Variants in SEMA3C observed in about 807,000 individuals in gnomAD.
SEMA3C encodes the protein semaphorin-3C.
Under a neutral mutation model 89.4 loss-of-function variants are expected in SEMA3C, and 47 were observed. The observed-to-expected ratio is 0.53, with a 90% CI of 0.42 to 0.67. SEMA3C has a LOEUF of 0.67. Ranked by LOEUF, SEMA3C falls within the 30% of genes least tolerant of loss-of-function variation. The probability of loss-of-function intolerance (pLI) is 0.00; values close to 1 mark genes in which losing one functional copy is unlikely to be tolerated. For missense variants in SEMA3C, 839 were observed against 929.1 expected, an observed-to-expected ratio of 0.90 and a Z score of 1.26; for synonymous variants, 310 against 320.2, an observed-to-expected ratio of 0.97 and a Z score of 0.34.
intron 2 of SEMA3C, among the ~76,000 whole-genome samples, chr7:80,840,146 C>T (rs1251119225): frequency 6.6e-6 from 1 of 152,012 alleles, no homozygotes; most frequent in East Asian, 1.9e-4. Context: ...TGACATACTG[C>T]TTGTGTTTAT....
intron 16 of SEMA3C, 100 bp from the exon 17 acceptor site, chr7:80,749,128 C>A (rs1787867707): frequency 8.1e-6 from 10 of 1,238,768 alleles, no homozygotes; most frequent in Non-Finnish European, 1.1e-5. Context: ...TATTTTTATA[C>A]AAAATTGTGA....
chr7:80,824,943 A>T (rs1202695146), intron 4 of SEMA3C, among the ~76,000 whole-genome samples: 1 of 152,158 alleles, frequency 6.6e-6, no homozygotes, highest in African/African-American at 2.4e-5. Context: ...CATATCTAGC[A>T]CATTGTAAAG....
chr7:80,795,332 G>A (rs991178356), intron 11 of SEMA3C, among the ~76,000 whole-genome samples: 2 of 152,102 alleles, frequency 1.3e-5, no homozygotes, highest in Admixed American at 1.3e-4. Context: ...AGTTCCAAAG[G>A]TCACTCCTAC....
chr7:80,860,477 C>T (rs1476808348), intron 2 of SEMA3C, among the ~76,000 whole-genome samples: 1 of 152,122 alleles, frequency 6.6e-6, no homozygotes, highest in African/African-American at 2.4e-5. Context: ...TAAAACACAG[C>T]GGCAATGTGG....
At chr7:80,793,003 C>T (rs1186503873) in intron 11 of SEMA3C, among the ~76,000 whole-genome samples, 2 of 152,168 alleles carry the variant, frequency 1.3e-5, no homozygotes, top group Non-Finnish European at 2.9e-5. Context: ...CATCTATGTG[C>T]TAACGTAAAA....
chr7:80,800,060 G>A (rs1460162001), intron 10 of SEMA3C, among the ~76,000 whole-genome samples: 1 of 150,548 alleles, frequency 6.6e-6, no homozygotes, highest in East Asian at 2.0e-4. Context: ...GGCTGAGGCA[G>A]GAGAACGGCA....
chr7:80,820,011 A>T (rs1789705896), intron 4 of SEMA3C, among the ~76,000 whole-genome samples: 2 of 151,996 alleles, frequency 1.3e-5, no homozygotes, highest in Non-Finnish European at 1.5e-5. Flanking sequence ...GGTGGTCAGA[A>T]AATATATGTT....
At chr7:80,870,353 T>G (rs1353861890) in intron 2 of SEMA3C, among the ~76,000 whole-genome samples, 1 of 152,240 alleles carries the variant, frequency 6.6e-6, no homozygotes, top group Non-Finnish European at 1.5e-5. Flanking sequence ...TCATTTATAT[T>G]CAGCACATCC....
intron 9 of SEMA3C, among the ~76,000 whole-genome samples, chr7:80,802,321 A>C (rs929524249): frequency 6.6e-6 from 1 of 152,152 alleles, no homozygotes; most frequent in African/African-American, 2.4e-5. Context: ...ACAAAATCAG[A>C]ATATTAGATA....
intron 2 of SEMA3C, among the ~76,000 whole-genome samples, chr7:80,881,309 A>G (rs1379777328): frequency 6.6e-6 from 1 of 152,126 alleles, no homozygotes; most frequent in African/African-American, 2.4e-5. Flanking sequence ...TTCTACTTAT[A>G]GTCTCTTAGC....
chr7:80,850,485 T>C (rs1022829828), intron 2 of SEMA3C, among the ~76,000 whole-genome samples: 20 of 152,206 alleles, frequency 1.3e-4, no homozygotes, highest in Non-Finnish European at 2.9e-5. Flanking sequence ...CTCAAGACAT[T>C]AAGCAAAATA....
At position 80,828,713 on chromosome 7, in the gene SEMA3C, T is replaced by C. The variant is rs1789938735; in HGVS notation, c.136A>G (p.Ser46Gly). The change falls in exon 3 of 18, where the codon AGC becomes GGC. Residue 46 changes from serine (S) to glycine (G), a missense_variant. Physicochemically the swap from Ser to Gly is moderately conservative, Grantham distance 56. Coordinates refer to ENST00000265361, the MANE Select transcript of SEMA3C (RefSeq NM_006379.5). ...LRETKTSEYF[S>G]LSHHPLDYRI... is the part of the protein sequence containing the mutation. ...TAGTCTAAAGGATGGTGGGAAAGGCTGAAGTATTCAGAGGTCTTGGTTTCT... is the reference window on the plus strand; with the variant it reads ...TAGTCTAAAGGATGGTGGGAAAGGCCGAAGTATTCAGAGGTCTTGGTTTCT... The C allele has an allele frequency of 6.2e-7, 1 of 1,610,880 alleles. No individual in the cohort carries two copies. Among genetic ancestry groups the C allele is most frequent in the Non-Finnish European group, 8.5e-7 (1 of 1,178,002 alleles).
chr7:80,783,834 C>T lies in SEMA3C; in HGVS notation c.1354+5472G>A, dbSNP rs60037757. Among the ~76,000 whole-genome samples the T allele has an allele frequency of 9.7e-3, 1,484 of 152,280 alleles. 24 individuals are homozygous for T. The highest frequency in any genetic ancestry group is 0.034 in the African/African-American group (1,406 of 41,570). On this transcript the variant is annotated intron_variant, in intron 12 of 17. Coordinates refer to ENST00000265361, the MANE Select transcript of SEMA3C (RefSeq NM_006379.5). ...CACACTTTCAGAGGACTTCCTGGAA[C>T]CAATGTTCCAACTTAGTACTCCTCC...
intron 6 of SEMA3C, among the ~76,000 whole-genome samples, chr7:80,806,237 C>T (rs1469863366): frequency 6.6e-6 from 1 of 152,014 alleles, no homozygotes; most frequent in African/African-American, 2.4e-5. Flanking sequence ...GAGTCTCAAC[C>T]TTCTAATCTA....
intron 2 of SEMA3C, among the ~76,000 whole-genome samples, chr7:80,904,162 T>C (rs1410234100): frequency 6.6e-6 from 1 of 152,130 alleles, no homozygotes; most frequent in East Asian, 1.9e-4. Context: ...TGCCTCAGCC[T>C]CTCCAGTAGC....
At chr7:80,825,045 A>G (rs1386700919) in intron 4 of SEMA3C, among the ~76,000 whole-genome samples, 2 of 152,192 alleles carry the variant, frequency 1.3e-5, no homozygotes, top group African/African-American at 4.8e-5. Context: ...TTTTAAAAAT[A>G]TTAGGTTATT....
At chr7:80,921,473 C>G (rs564660396), upstream of SEMA3C, among the ~76,000 whole-genome samples, 3 of 152,202 alleles carry the variant, frequency 2.0e-5, no homozygotes, top group Non-Finnish European at 4.4e-5. Context: ...TTTCCCCACA[C>G]TGCTTAAAAC....
chr7:80,912,703 A>G (rs1346985396), intron 2 of SEMA3C, among the ~76,000 whole-genome samples: 1 of 152,236 alleles, frequency 6.6e-6, no homozygotes. Flanking sequence ...ACACCTGAGA[A>G]CTAAATACTT....
chr7:80,761,651 C>T lies in SEMA3C; in HGVS notation c.1450G>A (p.Ala484Thr). ...GAAATTTTCATTGTTGTTATAGGAG[C>T]ATGATTCTAAAATATTAGAAAACAA... Reference protein sequence around the residue: ...LEELEVFKNHAPITTMKISSK... With the variant: ...LEELEVFKNHTPITTMKISSK... The change falls in exon 14 of 18, where the codon GCT (alanine) becomes ACT (threonine). Residue 484 changes from alanine (A) to threonine (T), a missense_variant. Transcript: ENST00000265361. The T allele has an allele frequency of 1.5e-6, 2 of 1,333,324 alleles. No individual in the cohort carries two copies. The highest frequency in any genetic ancestry group is 5.1e-5 in the East Asian group (2 of 39,394). The allele number at this position is 1,333,324 out of a possible 1,614,324, so 82.6% of individuals were successfully genotyped here.
Sources: gnomAD v4.1 joint callset for allele counts (sites outside exome capture counted in the v4.1 genomes callset) on GRCh38, gnomAD v4.1.1 for gene constraint, MANE v1.5 for transcripts, NCBI Gene and HGNC (gene_info 2026-07-23, HGNC 2026-07-21) for gene names.